The following AKAP12 variants were observed in gnomAD, a reference collection of about 807,000 sequenced individuals.
AKAP12 encodes the protein A-kinase anchoring protein 12.
A neutral mutation model predicts 79.9 loss-of-function variants in AKAP12; 32 were observed. That is an observed-to-expected ratio of 0.40 (90% CI 0.30 to 0.54). The LOEUF is 0.54. Ranked by LOEUF, AKAP12 falls within the 20% of genes least tolerant of loss-of-function variation. The pLI, the probability that AKAP12 is intolerant of heterozygous loss-of-function variation, is 0.48. For synonymous variants in AKAP12, 808 were observed against 857.0 expected, an observed-to-expected ratio of 0.94 and a Z score of 1.00; for missense variants, 2,074 against 2,177.0, an observed-to-expected ratio of 0.95 and a Z score of 0.94.
At chr6:151,327,869 A>G (rs1777567754) in intron 3 of AKAP12, among the ~76,000 whole-genome samples, 1 of 152,250 alleles carries the variant, frequency 6.6e-6, no homozygotes, top group African/African-American at 2.4e-5. Context: ...CTTAACTCCA[A>G]AAATTTACCA....
chr6:151,296,085 T>TA (rs1192186435), intron 2 of AKAP12, among the ~76,000 whole-genome samples: 1 of 152,218 alleles, frequency 6.6e-6, no homozygotes, highest in Non-Finnish European at 1.5e-5. Context: ...AGAGACTTCA[T>TA]AGCATCTGTA....
At chr6:151,259,545 C>CAT (rs1797378365) in intron 2 of AKAP12, among the ~76,000 whole-genome samples, 1 of 144,074 alleles carries the variant, frequency 6.9e-6, no homozygotes, top group Non-Finnish European at 1.5e-5. Context: ...CACACACACA[C>CAT]GTTTAATATG....
At chr6:151,316,227 CA>C (rs1777231624) in intron 3 of AKAP12, among the ~76,000 whole-genome samples, 1 of 141,388 alleles carries the variant, frequency 7.1e-6, no homozygotes, top group African/African-American at 2.7e-5. Flanking sequence ...AGCCTGATAT[CA>C]GGTAGTTTTC....
At chr6:151,324,091 G>A (rs1472207621) in intron 3 of AKAP12, 6 of 985,268 alleles carry the variant, frequency 6.1e-6, no homozygotes, top group African/African-American at 1.7e-5. Flanking sequence ...CAGAAGGATG[G>A]TCAGTACCAG....
intron 3 of AKAP12, among the ~76,000 whole-genome samples, chr6:151,329,481 A>G (rs1777615419): frequency 1.3e-5 from 2 of 152,090 alleles, no homozygotes; most frequent in Admixed American, 1.3e-4. Context: ...GATAATATTG[A>G]TACATTGCAA....
At chr6:151,252,737 A>G (rs1489826485) in intron 2 of AKAP12, among the ~76,000 whole-genome samples, 6 of 149,858 alleles carry the variant, frequency 4.0e-5, no homozygotes, top group South Asian at 2.1e-4. Flanking sequence ...TCTGGGAAAA[A>G]AAAAAAAAAA....
At chr6:151,285,384 C>CTGTGTGTGTG (rs10680283) in intron 2 of AKAP12, among the ~76,000 whole-genome samples, 29,650 of 136,022 alleles carry the variant, frequency 0.22, 3,323 homozygotes, top group Non-Finnish European at 0.28. Context: ...CTGCATTTCA[C>CTGTGTGTGTG]TGTGTGTGTG....
intron 2 of AKAP12, among the ~76,000 whole-genome samples, chr6:151,277,237 G>T (rs1009674894): frequency 3.3e-5 from 5 of 152,194 alleles, no homozygotes; most frequent in African/African-American, 1.2e-4. Flanking sequence ...GAGGTTGCAA[G>T]ATACTTTTGT....
At chr6:151,267,109 C>T (rs1776057366) in intron 2 of AKAP12, among the ~76,000 whole-genome samples, 1 of 145,844 alleles carries the variant, frequency 6.9e-6, no homozygotes. Context: ...TCAAAACTTT[C>T]ATTTCTCTTT....
Position 151,240,673 on chromosome 6 carries a change from G to T in AKAP12, c.111G>T (p.Ala37=). The T allele has an allele frequency of 7.8e-7, 1 of 1,283,224 alleles. No homozygotes were observed. The highest frequency in any genetic ancestry group is 9.8e-7 in the Non-Finnish European group (1 of 1,017,282). 79.5% of individuals were successfully genotyped at this position (1,283,224 alleles called of 1,614,324 possible). A position where few individuals can be genotyped will look rare whatever the true frequency, so the allele number is the denominator to read the frequency against. ...PSGGGPSAEA[A]PDTTADPAIA... ...GCGGCGGCCCCTCGGCCGAGGCGGCGCCAGACACCACCGCGGACCCCGCCA... is the reference window on the plus strand; with the variant it reads ...GCGGCGGCCCCTCGGCCGAGGCGGCTCCAGACACCACCGCGGACCCCGCCA... The change falls in exon 2 of 5, where the codon GCG becomes GCT. Residue 37 remains alanine (A), a synonymous_variant. Transcript: ENST00000402676.
intron 2 of AKAP12, among the ~76,000 whole-genome samples, chr6:151,270,250 A>G (rs6557128): frequency 0.18 from 28,096 of 151,976 alleles, 3,853 homozygotes; most frequent in African/African-American, 0.38. Flanking sequence ...TAGAGATGGA[A>G]TTTCTCCATG....
intron 2 of AKAP12, among the ~76,000 whole-genome samples, chr6:151,272,248 G>A (rs564987317): frequency 6.6e-6 from 1 of 151,434 alleles, no homozygotes; most frequent in South Asian, 2.1e-4. Context: ...AGGAGGACTA[G>A]GTGGAAGGAT....
intron 2 of AKAP12, among the ~76,000 whole-genome samples, chr6:151,268,385 C>T (rs1776099525): frequency 6.6e-6 from 1 of 152,122 alleles, no homozygotes; most frequent in South Asian, 2.1e-4. Flanking sequence ...CCATTGCACT[C>T]CAGCCTGAGC....
At chr6:151,345,895 ATGTGTGTGTGTGTGTG>A (rs367643775) in intron 3 of AKAP12, among the ~76,000 whole-genome samples, 13 of 128,938 alleles carry the variant, frequency 1.0e-4, no homozygotes, top group Admixed American at 4.0e-4. Flanking sequence ...GTGTGTGTAT[ATGTGTGTGTGTGTGTG>A]TGTGTGTGTG....
chr6:151,320,988 C>CTTTG (rs567893380), intron 3 of AKAP12, among the ~76,000 whole-genome samples: 1 of 151,268 alleles, frequency 6.6e-6, no homozygotes, highest in East Asian at 1.9e-4. Context: ...TCTTTTCTTT[C>CTTTG]TTTCTTTTTT....
intron 3 of AKAP12, among the ~76,000 whole-genome samples, chr6:151,311,485 G>A (rs573682640): frequency 1.4e-3 from 211 of 152,262 alleles, no homozygotes; most frequent in Admixed American, 2.4e-3. Context: ...CACGTGGACC[G>A]CCACTGTGAC....
chr6:151,291,365 T>C (rs1390159922), intron 2 of AKAP12, among the ~76,000 whole-genome samples: 1 of 152,194 alleles, frequency 6.6e-6, no homozygotes, highest in Non-Finnish European at 1.5e-5. Flanking sequence ...TTTCCTTTCA[T>C]GGGTGAGCTT....
intron 2 of AKAP12, 53 bp from the exon 3 acceptor site, chr6:151,305,694 G>T: frequency 6.5e-7 from 1 of 1,526,764 alleles, no homozygotes; most frequent in South Asian, 1.3e-5. Flanking sequence ...CCTTGTTTCT[G>T]ACTTGGTCAT....
chr6:151,276,713 T>G (rs1291388726), intron 2 of AKAP12, among the ~76,000 whole-genome samples: 2 of 152,214 alleles, frequency 1.3e-5, no homozygotes, highest in Non-Finnish European at 2.9e-5. Flanking sequence ...TGAAGAAACT[T>G]ATGTATTTAT....
Sources: allele counts gnomAD v4.1 joint callset (sites outside exome capture counted in the v4.1 genomes callset), GRCh38; gene constraint gnomAD v4.1.1; transcripts MANE v1.5; gene names NCBI Gene and HGNC (gene_info 2026-07-23, HGNC 2026-07-21).